The following TUSC3 variants were observed in gnomAD, a reference collection of about 807,000 sequenced individuals.
TUSC3 encodes the protein tumor suppressor candidate 3, also known as dolichyl-diphosphooligosaccharide--protein glycosyltransferase subunit TUSC3.
A neutral mutation model predicts 44.8 loss-of-function variants in TUSC3; 45 were observed. The observed-to-expected ratio is 1.00, with a 90% CI of 0.79 to 1.29. The LOEUF (loss-of-function observed/expected upper bound fraction) is 1.29. Ranked by LOEUF, TUSC3 falls within the 50% of genes most tolerant of loss-of-function variation. TUSC3 has a pLI of 0.00. For synonymous variants in TUSC3, 212 were observed against 152.9 expected, an observed-to-expected ratio of 1.39 and a Z score of -2.85; for missense variants, 519 against 437.9, an observed-to-expected ratio of 1.19 and a Z score of -1.65.
chr8:15,696,178 T>C (rs1397907813), intron 6 of TUSC3, among the ~76,000 whole-genome samples: 1 of 152,142 alleles, frequency 6.6e-6, no homozygotes, highest in Non-Finnish European at 1.5e-5. Flanking sequence ...AAAAATAGTT[T>C]CGTGGGCTGG....
intron 3 of TUSC3, among the ~76,000 whole-genome samples, chr8:15,654,327 G>C (rs540439138): frequency 1.5e-4 from 23 of 152,202 alleles, no homozygotes; most frequent in African/African-American, 5.5e-4. Flanking sequence ...AAAGGAACTG[G>C]TAACTGTGTG....
intron 10 of TUSC3, chr8:15,758,215 T>G: frequency 9.9e-7 from 1 of 1,014,464 alleles, no homozygotes. Flanking sequence ...AAATCTTTTT[T>G]CCCATTAACA....
At chr8:15,800,817 T>C in the TUSC3 span, among the ~76,000 whole-genome samples, 1 of 152,174 alleles carries the variant, frequency 6.6e-6, no homozygotes, top group Non-Finnish European at 1.5e-5. Flanking sequence ...TGTTCTTAAC[T>C]TGCCACAGTT....
intron 1 of TUSC3, among the ~76,000 whole-genome samples, chr8:15,443,778 T>A (rs2129118836): frequency 6.6e-6 from 1 of 152,284 alleles, no homozygotes; most frequent in South Asian, 2.1e-4. Context: ...TCACCCTCCC[T>A]AAGCTGCTCC....
At chr8:15,703,456 G>A (rs548176762) in intron 6 of TUSC3, among the ~76,000 whole-genome samples, 22 of 152,196 alleles carry the variant, frequency 1.4e-4, no homozygotes, top group Admixed American at 1.2e-3. Context: ...ATTCATTAGT[G>A]ATATTGAAAA....
intron 3 of TUSC3, among the ~76,000 whole-genome samples, chr8:15,655,753 G>A (rs932632226): frequency 1.3e-5 from 2 of 152,122 alleles, no homozygotes; most frequent in African/African-American, 4.8e-5. Flanking sequence ...ACTAATATAT[G>A]TAGCTGTTTA....
chr8:15,515,295 C>T (rs1339661686), intron 2 of TUSC3, among the ~76,000 whole-genome samples: 1 of 152,128 alleles, frequency 6.6e-6, no homozygotes, highest in Non-Finnish European at 1.5e-5. Flanking sequence ...TGCCAAGATT[C>T]AGTGACACAA....
At chr8:15,665,778 T>A (rs1029973692) in intron 5 of TUSC3, among the ~76,000 whole-genome samples, 2 of 151,422 alleles carry the variant, frequency 1.3e-5, no homozygotes, top group African/African-American at 4.8e-5. Flanking sequence ...GGTTCTTAGT[T>A]TTAAAAAAGA....
intron 1 of TUSC3, among the ~76,000 whole-genome samples, chr8:15,565,566 C>T (rs6990387): frequency 0.024 from 3,620 of 152,218 alleles, 153 homozygotes; most frequent in African/African-American, 0.081. Flanking sequence ...TCACCAGGCT[C>T]TTGAGAATCT....
intron 6 of TUSC3, among the ~76,000 whole-genome samples, chr8:15,681,559 C>CT (rs71211069): frequency 0.84 from 122,609 of 145,978 alleles, 51,570 homozygotes; most frequent in Non-Finnish European, 0.86. Context: ...GATCTTTTCT[C>CT]TTTTTTTTTT....
the TUSC3 span, among the ~76,000 whole-genome samples, chr8:15,800,753 G>A: frequency 2.6e-5 from 4 of 152,058 alleles, no homozygotes; most frequent in African/African-American, 7.2e-5. Context: ...ATACTGAGAC[G>A]TTCATGGCAC....
chr8:15,754,842 G>A (rs1386369106), intron 9 of TUSC3, among the ~76,000 whole-genome samples: 4 of 151,776 alleles, frequency 2.6e-5, no homozygotes, highest in Non-Finnish European at 5.9e-5. Context: ...TTAAAATACA[G>A]TCCTTAAGTT....
At chr8:15,667,855 T>A (rs1265412057) in intron 5 of TUSC3, among the ~76,000 whole-genome samples, 1 of 151,918 alleles carries the variant, frequency 6.6e-6, no homozygotes, top group African/African-American at 2.4e-5. Flanking sequence ...GCAAAGTTGC[T>A]GTAGTTACAG....
At position 15,549,437 on chromosome 8, in the gene TUSC3, G is replaced by T. The variant is rs543502578; in HGVS notation, c.138+8869G>T. 4.0e-5 allele frequency among the ~76,000 whole-genome samples: 6 copies of T among 151,880 alleles called. 1 individual carries two copies. The highest frequency in any genetic ancestry group is 6.8e-3 in the Middle Eastern group (2 of 294). ...TCTGCCCGCCTCGGCCTCCCAAAGTGCTGGGATTACAGGCGTGAGCCACCA... is the reference window on the plus strand; with the variant it reads ...TCTGCCCGCCTCGGCCTCCCAAAGTTCTGGGATTACAGGCGTGAGCCACCA... On this transcript the variant is annotated intron_variant, in intron 1 of 10. Coordinates refer to ENST00000503731, the MANE Select transcript of TUSC3 (RefSeq NM_006765.4).
chr8:15,669,544 A>G (rs1208513353), intron 5 of TUSC3, among the ~76,000 whole-genome samples: 1 of 151,846 alleles, frequency 6.6e-6, no homozygotes, highest in Non-Finnish European at 1.5e-5. Flanking sequence ...TTGTCAAGTT[A>G]TTTCACTAAT....
chr8:15,801,507 G>GA, the TUSC3 span, among the ~76,000 whole-genome samples: 4 of 150,346 alleles, frequency 2.7e-5, no homozygotes, highest in South Asian at 2.1e-4. Context: ...GTAGCCTTGA[G>GA]AAAAAAAAAG....
At chr8:15,791,531 A>G in the TUSC3 span, among the ~76,000 whole-genome samples, 2 of 152,024 alleles carry the variant, frequency 1.3e-5, no homozygotes, top group African/African-American at 4.8e-5. Context: ...GACTGGGGAG[A>G]CCACTGTTTC....
the TUSC3 span, among the ~76,000 whole-genome samples, chr8:15,812,391 G>A: frequency 0.021 from 3,193 of 152,254 alleles, 39 homozygotes; most frequent in Middle Eastern, 0.071. Context: ...AAACTACCAG[G>A]ACCATAATTT....
At chr8:15,659,865 A>C (rs1250822780) in intron 4 of TUSC3, among the ~76,000 whole-genome samples, 1 of 152,132 alleles carries the variant, frequency 6.6e-6, no homozygotes, top group African/African-American at 2.4e-5. Flanking sequence ...AGCCATTAAA[A>C]ATACAGGAGT....
Sources: gnomAD v4.1 joint callset for allele counts (sites outside exome capture counted in the v4.1 genomes callset) on GRCh38, gnomAD v4.1.1 for gene constraint, MANE v1.5 for transcripts, NCBI Gene and HGNC (gene_info 2026-07-23, HGNC 2026-07-21) for gene names.